DPYD: variants seen among roughly 807,000 people sequenced by gnomAD.
DPYD encodes the protein dihydropyrimidine dehydrogenase, also known as dihydropyrimidine dehydrogenase [NADP(+)].
A neutral mutation model predicts 116.2 loss-of-function variants in DPYD; 109 were observed. That is an observed-to-expected ratio of 0.94 (90% confidence interval 0.80 to 1.10). The LOEUF (loss-of-function observed/expected upper bound fraction) is 1.10, where lower values mean the gene tolerates loss of function less well. Ranked by LOEUF, DPYD falls within the 50% of genes least tolerant of loss-of-function variation. The pLI is 0.00. For missense variants in DPYD, 1,302 were observed against 1,254.5 expected (o/e 1.04, Z -0.57); for synonymous variants, 440 against 432.0 (o/e 1.02, Z -0.23).
rs191169498 is a variant in DPYD at position 97,398,518 on chromosome 1, C to T, written c.1906-16057G>A. Among the ~76,000 whole-genome samples, 847 of 151,040 alleles carry T rather than the reference C, an allele frequency of 5.6e-3. 5 individuals carry two copies. The highest frequency in any genetic ancestry group is 7.6e-3 in the Non-Finnish European group (516 of 67,846). ...CTAGTTCTAGATCCCTGAGGAATCA[C>T]CACACTGACTTCACAATGGTTGAAC... On this transcript the variant is annotated intron_variant, in intron 14 of 22. Coordinates refer to ENST00000370192, the MANE Select transcript of DPYD (RefSeq NM_000110.4).
chr1:97,676,884 G>T (rs749755279), intron 8 of DPYD, among the ~76,000 whole-genome samples: 1 of 152,134 alleles, frequency 6.6e-6, no homozygotes, highest in African/African-American at 2.4e-5. Context: ...GAGCATAACT[G>T]CATTCCTCAC....
chr1:97,662,740 T>G (rs1659339825), intron 8 of DPYD, among the ~76,000 whole-genome samples: 1 of 152,174 alleles, frequency 6.6e-6, no homozygotes, highest in Non-Finnish European at 1.5e-5. Flanking sequence ...CACAGATTCA[T>G]CTAATATATG....
intron 13 of DPYD, among the ~76,000 whole-genome samples, chr1:97,451,172 A>C (rs2101796196): frequency 6.6e-6 from 1 of 152,210 alleles, no homozygotes; most frequent in Non-Finnish European, 1.5e-5. Flanking sequence ...GAACCACCCC[A>C]TATAAAACAA....
chr1:97,504,570 G>T (rs1474055561), intron 13 of DPYD, among the ~76,000 whole-genome samples: 1 of 151,978 alleles, frequency 6.6e-6, no homozygotes, highest in Non-Finnish European at 1.5e-5. Flanking sequence ...CCATAGGGAA[G>T]AGTTCCCAAG....
chr1:97,293,303 AAATTAAT>A (rs1666326767), intron 18 of DPYD, among the ~76,000 whole-genome samples: 1 of 152,218 alleles, frequency 6.6e-6, no homozygotes, highest in Non-Finnish European at 1.5e-5. Flanking sequence ...TTAATGGAAT[AAATTAAT>A]ACAGAATGAG....
intron 2 of DPYD, among the ~76,000 whole-genome samples, chr1:97,858,065 T>C (rs1670935129): frequency 6.6e-6 from 1 of 152,074 alleles, no homozygotes; most frequent in South Asian, 2.1e-4. Context: ...CCTCTTCCAA[T>C]GAGTCTGTTT....
intron 3 of DPYD, among the ~76,000 whole-genome samples, chr1:97,784,135 A>T (rs1465556383): frequency 1.3e-5 from 2 of 152,218 alleles, no homozygotes. Flanking sequence ...TTTCTATTCC[A>T]AAGAGACTGT....
At chr1:97,497,531 A>G (rs1679340221) in intron 13 of DPYD, among the ~76,000 whole-genome samples, 1 of 151,896 alleles carries the variant, frequency 6.6e-6, no homozygotes, top group South Asian at 2.1e-4. Flanking sequence ...AGTTGCCACA[A>G]TGATTGTTAA....
chr1:97,341,036 G>C (rs1016906360), intron 16 of DPYD, among the ~76,000 whole-genome samples: 5 of 152,148 alleles, frequency 3.3e-5, no homozygotes, highest in African/African-American at 7.2e-5. Context: ...GCAGGAAAGT[G>C]ACAGTAAAGG....
At chr1:97,363,190 C>A (rs1166633227) in intron 16 of DPYD, among the ~76,000 whole-genome samples, 1 of 152,132 alleles carries the variant, frequency 6.6e-6, no homozygotes, top group African/African-American at 2.4e-5. Flanking sequence ...CAGCCACAGA[C>A]ACATGAAAAA....
At chr1:97,782,614 C>T (rs1480729108) in intron 3 of DPYD, among the ~76,000 whole-genome samples, 1 of 152,088 alleles carries the variant, frequency 6.6e-6, no homozygotes, top group Non-Finnish European at 1.5e-5. Context: ...AGATTTAAAA[C>T]GTTCAGTAAA....
chr1:97,130,720 T>C (rs114905820), intron 20 of DPYD, among the ~76,000 whole-genome samples: 3,463 of 122,602 alleles, frequency 0.028, 142 homozygotes, highest in African/African-American at 0.094. Context: ...CCCTCTCTCT[T>C]TCTTTCTTTC....
chr1:97,630,365 A>C (rs1466076828), intron 8 of DPYD, among the ~76,000 whole-genome samples: 1 of 151,418 alleles, frequency 6.6e-6, no homozygotes, highest in Non-Finnish European at 1.5e-5. Context: ...GTGCCTCATC[A>C]TCTCTCAGTG....
chr1:97,367,788 G>C (rs1671114052), intron 16 of DPYD, among the ~76,000 whole-genome samples: 1 of 152,064 alleles, frequency 6.6e-6, no homozygotes. Context: ...TCAAACCACT[G>C]AACAATTGGA....
intron 13 of DPYD, among the ~76,000 whole-genome samples, chr1:97,514,759 A>C (rs1211336756): frequency 1.3e-5 from 2 of 151,554 alleles, no homozygotes; most frequent in Non-Finnish European, 2.9e-5. Context: ...TCCTGACCAC[A>C]CTTACACATT....
intron 11 of DPYD, among the ~76,000 whole-genome samples, chr1:97,570,948 C>T (rs1652849317): frequency 6.6e-6 from 1 of 151,806 alleles, no homozygotes; most frequent in Non-Finnish European, 1.5e-5. Context: ...GAAAGGAGGT[C>T]TTCTGCGAAA....
chr1:97,265,752 A>AT (rs1418506408), intron 18 of DPYD, among the ~76,000 whole-genome samples: 4 of 152,080 alleles, frequency 2.6e-5, no homozygotes, highest in African/African-American at 9.7e-5. Context: ...TTTAAATACA[A>AT]TTTTTTCTTT....
At chr1:97,918,351 T>C (rs1458611867) in intron 1 of DPYD, among the ~76,000 whole-genome samples, 1 of 152,178 alleles carries the variant, frequency 6.6e-6, no homozygotes, top group Non-Finnish European at 1.5e-5. Flanking sequence ...TCAGAGGCAG[T>C]TGGTTTCAGA....
chr1:97,503,361 C>G (rs1188440605), intron 13 of DPYD, among the ~76,000 whole-genome samples: 1 of 151,936 alleles, frequency 6.6e-6, no homozygotes, highest in Non-Finnish European at 1.5e-5. Context: ...TCACGTAACT[C>G]CAACTATCAG....
Sources: allele counts gnomAD v4.1 joint callset (sites outside exome capture counted in the v4.1 genomes callset), GRCh38; gene constraint gnomAD v4.1.1; transcripts MANE v1.5; gene names NCBI Gene and HGNC (gene_info 2026-07-23, HGNC 2026-07-21).